The following RASGEF1C variants were observed in gnomAD, a reference collection of about 807,000 sequenced individuals.
RASGEF1C encodes ras-GEF domain-containing family member 1C.
In RASGEF1C, 27 loss-of-function variants were observed where a neutral mutation model predicts 58.1. That is an observed-to-expected ratio of 0.46 (90% CI 0.34 to 0.64). The LOEUF is 0.64. Ranked by LOEUF, RASGEF1C falls within the 30% of genes least tolerant of loss-of-function variation. The pLI is 0.01. For synonymous variants in RASGEF1C, 243 were observed against 246.3 expected, an observed-to-expected ratio of 0.99 and a Z score of 0.13; for missense variants, 502 against 605.1, an observed-to-expected ratio of 0.83 and a Z score of 1.79.
intron 1 of RASGEF1C, among the ~76,000 whole-genome samples, chr5:180,200,310 C>T (rs375318881): frequency 7.1e-4 from 64 of 90,208 alleles, no homozygotes; most frequent in South Asian, 1.7e-3. Context: ...GTACATCATT[C>T]TTTTTTTTTT....
At chr5:180,127,428 C>T (rs1396896690) in intron 6 of RASGEF1C, among the ~76,000 whole-genome samples, 181 bp downstream of exon 6, 1 of 152,228 alleles carries the variant, frequency 6.6e-6, no homozygotes, top group South Asian at 2.1e-4. Flanking sequence ...ACTCGGGACT[C>T]GGTTGTCGTG....
intron 1 of RASGEF1C, among the ~76,000 whole-genome samples, chr5:180,186,066 C>T (rs1343840717): frequency 1.4e-5 from 2 of 147,712 alleles, no homozygotes; most frequent in Non-Finnish European, 3.0e-5. Context: ...CACTGCATTC[C>T]AGCCTGGGTG....
In RASGEF1C at chr5:180,137,054, G is replaced by A. The variant is rs1404510606; in HGVS notation, c.300+536C>T. Among the ~76,000 whole-genome samples the A allele has an allele frequency of 1.3e-5, 2 of 152,228 alleles. No homozygotes were observed. The highest frequency in any genetic ancestry group is 4.8e-5 in the African/African-American group (2 of 41,450). On this transcript the variant is annotated intron_variant, in intron 3 of 13. Transcript: ENST00000361132. The surrounding 1 kb of genome is among the most constrained non-coding windows in gnomAD (Gnocchi z 4.1). ...CGAGGGAGGCCAGCCCCGGGAAGCG[G>A]CAGCAGAGGGCGGGAGGGAGACAGG...
At chr5:180,144,357 GGCCCCAAATCAGA>G (rs1766632802) in intron 1 of RASGEF1C, among the ~76,000 whole-genome samples, 1 of 152,140 alleles carries the variant, frequency 6.6e-6, no homozygotes, top group Non-Finnish European at 1.5e-5. Context: ...GTGGGTCCAC[GGCCCCAAATCAGA>G]GCCCTTTCTG....
In RASGEF1C at chr5:180,137,658, C is replaced by T. The variant is rs769389621; in HGVS notation, c.232G>A (p.Glu78Lys). The change falls in exon 3 of 14, where the codon GAG (glutamate) becomes AAG (lysine). Residue 78 changes from glutamate (E) to lysine (K), a missense_variant. Glu to Lys is a moderately conservative substitution (Grantham distance 56). Transcript: ENST00000361132. The surrounding 1 kb of genome is among the most constrained non-coding windows in gnomAD (Gnocchi z 4.1). ...LSSRLFIEPR[E>K]LLARVCHLCI... ...AGGTGGCAGACCCGGGCCAGGAGCT[C>T]CCGGGGCTCGATGAAGAGGCGAGAG... is the stretch of plus-strand genomic sequence containing the variant. 2.5e-6 allele frequency: 4 copies of T among 1,612,822 alleles called. No homozygotes were observed. Among genetic ancestry groups the T allele is most frequent in the African/African-American group, 1.3e-5 (1 of 75,036 alleles).
At chr5:180,165,694 C>T (rs1340104029) in intron 1 of RASGEF1C, among the ~76,000 whole-genome samples, 1 of 150,974 alleles carries the variant, frequency 6.6e-6, no homozygotes, top group Non-Finnish European at 1.5e-5. Context: ...ATTCTTGTTC[C>T]CCTTTATGCC....
At chr5:180,136,654 T>C in intron 3 of RASGEF1C, 139 bp from the exon 4 acceptor site, 2 of 877,918 alleles carry the variant, frequency 2.3e-6, no homozygotes, top group Non-Finnish European at 3.4e-6. Context: ...AGGAGGGGGG[T>C]GCGATCCTGC....
In RASGEF1C at chr5:180,137,905, G is replaced by A; in HGVS notation, c.148C>T (p.Leu50=). Residue 50 remains leucine, a synonymous_variant, in exon 2 of 14, where the codon CTG becomes TTG. Coordinates refer to ENST00000361132, the MANE Select transcript of RASGEF1C (RefSeq NM_175062.4). This position sits in a 1 kb window ranked among gnomAD's most constrained non-coding sequence, Gnocchi z 4.1. ...SASLETLIQH[L]VPTADYYPEK... ...GGGTAGTAGTCGGCTGTGGGCACCAGGTGCTGGATCAGTGTTTCCAGGGAG... is the reference window on the plus strand; with the variant it reads ...GGGTAGTAGTCGGCTGTGGGCACCAAGTGCTGGATCAGTGTTTCCAGGGAG... 6.2e-7 allele frequency: 1 copy of A among 1,613,214 alleles called. No homozygotes were observed. Among genetic ancestry groups the A allele is most frequent in the Non-Finnish European group, 8.5e-7 (1 of 1,179,838 alleles).
chr5:180,111,229 C>T (rs1246811141), intron 12 of RASGEF1C, among the ~76,000 whole-genome samples: 2 of 152,080 alleles, frequency 1.3e-5, no homozygotes, highest in Non-Finnish European at 2.9e-5. Context: ...AGCCTGGCCC[C>T]GGGGGTCCTT....
chr5:180,207,189 G>T (rs1224608998), intron 1 of RASGEF1C, among the ~76,000 whole-genome samples: 1 of 152,244 alleles, frequency 6.6e-6, no homozygotes, highest in Non-Finnish European at 1.5e-5. Context: ...GCAGGTTTTG[G>T]TTGGCTTCGG....
rs1440383599 is a variant in RASGEF1C, at chr5:180,174,045, C to T, written c.-7+34983G>A. On this transcript the variant is annotated intron_variant, in intron 1 of 13. Coordinates refer to ENST00000361132, the MANE Select transcript of RASGEF1C (RefSeq NM_175062.4). ...AGTTGGGGAAGTGTGGTCCTCCTCG[C>T]TGCTGCTCTCGGGGGCTCCTTCCGC... 4.0e-5 allele frequency among the ~76,000 whole-genome samples: 6 copies of T among 151,876 alleles called. 1 individual carries two copies. The highest frequency in any genetic ancestry group is 3.9e-4 in the Admixed American group (6 of 15,244).
intron 1 of RASGEF1C, among the ~76,000 whole-genome samples, chr5:180,162,509 C>T (rs1360294958): frequency 1.3e-5 from 2 of 152,208 alleles, no homozygotes; most frequent in Admixed American, 1.3e-4. Flanking sequence ...CAGACCCAGG[C>T]GGCAGCCTCA....
chr5:180,154,591 T>A (rs1420781670), intron 1 of RASGEF1C, among the ~76,000 whole-genome samples: 1 of 151,450 alleles, frequency 6.6e-6, no homozygotes, highest in Non-Finnish European at 1.5e-5. Context: ...CTCTTTTTTT[T>A]TTTTTTTGAG....
chr5:180,185,529 G>A (rs1214503144), intron 1 of RASGEF1C, among the ~76,000 whole-genome samples: 1 of 152,200 alleles, frequency 6.6e-6, no homozygotes, highest in East Asian at 1.9e-4. Flanking sequence ...AGGTTGCAAT[G>A]AGCCAAGATT....
At chr5:180,140,640 G>A (rs1454032047) in intron 1 of RASGEF1C, among the ~76,000 whole-genome samples, 2 of 152,220 alleles carry the variant, frequency 1.3e-5, no homozygotes, top group East Asian at 1.9e-4. Flanking sequence ...CAGGCCAGGT[G>A]CCCACCTCTG....
In RASGEF1C at chr5:180,172,510, C is replaced by G. The variant is rs145850385; in HGVS notation, c.-6-34452G>C. ...GCAGCCTGACACGGAATCTGTGGCA[C>G]ACTCCACTCCAGATGCTGCCTGCCC... On this transcript the variant is annotated intron_variant, in intron 1 of 13. Coordinates refer to ENST00000361132, the MANE Select transcript of RASGEF1C (RefSeq NM_175062.4). 4.0e-3 allele frequency among the ~76,000 whole-genome samples: 616 copies of G among 152,268 alleles called. 2 individuals are homozygous for G. Among genetic ancestry groups the G allele is most frequent in the African/African-American group, 0.014 (588 of 41,554 alleles).
intron 1 of RASGEF1C, among the ~76,000 whole-genome samples, chr5:180,202,904 G>T (rs1172374545): frequency 6.6e-6 from 1 of 151,866 alleles, no homozygotes; most frequent in Non-Finnish European, 1.5e-5. Context: ...GGGTTTCACC[G>T]TGTTAGCCAG....
chr5:180,169,846 C>T (rs1666001373), intron 1 of RASGEF1C, among the ~76,000 whole-genome samples: 1 of 151,280 alleles, frequency 6.6e-6, no homozygotes, highest in African/African-American at 2.4e-5. Context: ...TCTCCCCTCG[C>T]CCTCCCCCTG....
At chr5:180,131,694 A>T (rs1257659885) in intron 4 of RASGEF1C, among the ~76,000 whole-genome samples, 1 of 152,224 alleles carries the variant, frequency 6.6e-6, no homozygotes, top group African/African-American at 2.4e-5. Context: ...GCTGACAGTC[A>T]GACGCTCTCT....
Sources: gnomAD v4.1 joint callset for allele counts (sites outside exome capture counted in the v4.1 genomes callset) on GRCh38, gnomAD v4.1.1 for gene constraint, Gnocchi (gnomAD v3.1) non-coding constraint, MANE v1.5 for transcripts, NCBI Gene and HGNC (gene_info 2026-07-23, HGNC 2026-07-21) for gene names.